CTSD: variants seen among roughly 807,000 people sequenced by gnomAD.
The protein encoded by CTSD is cathepsin D.
Under a neutral mutation model 43.6 loss-of-function variants are expected in CTSD, and 28 were observed. That is an observed-to-expected ratio of 0.64 (90% CI 0.48 to 0.88). CTSD has a LOEUF of 0.88. Among genes scored for constraint, CTSD ranks in the 40% least tolerant of loss-of-function variants. The pLI, the probability that CTSD is intolerant of heterozygous loss-of-function variation, is 0.00. For missense variants in CTSD, 485 were observed against 555.2 expected (o/e 0.87, Z 1.27); for synonymous variants, 270 against 249.8 (o/e 1.08, Z -0.76).
chr11:1,753,444 GGGCCTCCTGCTCT>G lies in CTSD; in HGVS notation c.*46_*58del, dbSNP rs1845752294. The stretch of plus-strand genomic sequence containing the variant: ...TGTGTGGGAGGGGCCGCTGGGCCAG[GGGCCTCCTGCTCT>G]GGGACTCTCCTCTGTTTCTGTGCTG... On this transcript the variant is annotated 3_prime_UTR_variant, in exon 9 of 9. Transcript: ENST00000236671. 5.6e-6 allele frequency: 9 copies of G among 1,599,888 alleles called. No homozygotes were observed. Among genetic ancestry groups the G allele is most frequent in the Non-Finnish European group, 7.7e-6 (9 of 1,168,548 alleles).
intron 2 of CTSD, chr11:1,761,093 C>T (rs751285027): frequency 7.0e-5 from 42 of 601,428 alleles, no homozygotes; most frequent in Admixed American, 2.0e-4. Context: ...CCCTCCCAGG[C>T]CCTAGCAGGA....
rs796052399 is a variant in CTSD, at chr11:1,753,531, A to C, written c.1211T>G (p.Val404Gly). The C allele has an allele frequency of 6.2e-7, 1 of 1,612,942 alleles. No homozygotes were observed. The highest frequency in any genetic ancestry group is 8.5e-7 in the Non-Finnish European group (1 of 1,179,906). Residue 404 changes from valine to glycine, a missense_variant, in exon 9 of 9, where the codon GTG becomes GGG. Coordinates refer to ENST00000236671, the MANE Select transcript of CTSD (RefSeq NM_001909.5). ...GAGGCGGGCAGCCTCGGCGAAGCCC[A>C]CCCTGTTGTTGTCACGGTCAAACAC... ...YTVFDRDNNR[V>G]GFAEAARL
At chr11:1,763,313 A>C (rs970816030) in intron 1 of CTSD, among the ~76,000 whole-genome samples, 1 of 152,170 alleles carries the variant, frequency 6.6e-6, no homozygotes, top group Non-Finnish European at 1.5e-5. Flanking sequence ...AGGGCCTGTG[A>C]TAAGAGCCGC....
chr11:1,756,687 C>T (rs941076289), intron 5 of CTSD, among the ~76,000 whole-genome samples: 24 of 152,132 alleles, frequency 1.6e-4, no homozygotes, highest in Admixed American at 3.3e-4. Context: ...TAACTGAGTC[C>T]GACGTCCCCT....
intron 2 of CTSD, chr11:1,761,073 C>T (rs1227135131): frequency 1.8e-6 from 1 of 562,310 alleles, no homozygotes; most frequent in East Asian, 3.1e-5. Flanking sequence ...CCCGAGGCCA[C>T]TCCCAATCAC....
intron 5 of CTSD, among the ~76,000 whole-genome samples, chr11:1,757,028 C>T (rs1248736608): frequency 6.6e-6 from 1 of 152,240 alleles, no homozygotes; most frequent in Non-Finnish European, 1.5e-5. Context: ...CGACCCCTGA[C>T]CTGGGTCCAT....
intron 5 of CTSD, among the ~76,000 whole-genome samples, chr11:1,756,464 G>A (rs1280566794): frequency 6.6e-6 from 1 of 152,222 alleles, no homozygotes; most frequent in African/African-American, 2.4e-5. Context: ...CCAAGGTTAG[G>A]GGTCAGGCCC....
rs1845762213 is a variant in CTSD, at chr11:1,753,977, C to T, written c.972+17G>A. 2 of 1,606,056 alleles carry T rather than the reference C, an allele frequency of 1.2e-6. No individual in the cohort carries two copies. The highest frequency in any genetic ancestry group is 1.7e-6 in the Non-Finnish European group (2 of 1,177,172). ...CCCCTGCCAGCCCCAGCCCCAGCCC[C>T]AGCCCCCGGCGCTCACCTCGCCCTG... On this transcript the variant is annotated intron_variant, in intron 7 of 8. Transcript: ENST00000236671.
Position 1,753,163 on chromosome 11 carries a change from G to T in CTSD, c.*340C>A. The stretch of plus-strand genomic sequence containing the variant: ...GCCCAGCGGGCGCTGGTAGGGCCGG[G>T]GAGGGGACTCCCTGGAGATGAAGGG... On this transcript the variant is annotated 3_prime_UTR_variant, in exon 9 of 9. Coordinates refer to ENST00000236671, the MANE Select transcript of CTSD (RefSeq NM_001909.5). 1.0e-5 allele frequency: 4 copies of T among 386,236 alleles called. No individual in the cohort carries two copies. The highest frequency in any genetic ancestry group is 2.0e-5 in the Non-Finnish European group (4 of 201,810). The allele number at this position is 386,236 out of a possible 1,614,324, so 23.9% of individuals were successfully genotyped here.
At chr11:1,754,344 G>C (rs1845769207) in intron 6 of CTSD, 1 of 623,794 alleles carries the variant, frequency 1.6e-6, no homozygotes, top group Non-Finnish European at 2.8e-6. Flanking sequence ...CCCTCAGGTG[G>C]TGGTGAGGGG....
rs372553554 is a variant in CTSD at position 1,758,937 on chromosome 11, C to G, written c.471+32G>C. ...GGTGAACCCCACACCCTGGCACCCT[C>G]GAGTCCTGGGAAAGGCCCCAGAGGG... is the stretch of plus-strand genomic sequence containing the variant. On this transcript the variant is annotated intron_variant, in intron 4 of 8. Coordinates refer to ENST00000236671, the MANE Select transcript of CTSD (RefSeq NM_001909.5). 329 of 1,477,196 alleles carry G rather than the reference C, an allele frequency of 2.2e-4. 2 individuals are homozygous for G. The African/African-American group carries it at 3.9e-3, about 17-fold the overall frequency. 91.5% of individuals were successfully genotyped at this position (1,477,196 alleles called of 1,614,324 possible). A position where few individuals can be genotyped will look rare whatever the true frequency, so the allele number is the denominator to read the frequency against.
chr11:1,755,224 C>G, intron 5 of CTSD, 196 bp from the exon 6 acceptor site: 1 of 680,254 alleles, frequency 1.5e-6, no homozygotes, highest in Admixed American at 2.1e-5. Context: ...GGCTGCTCTG[C>G]GTGGGCCCAG....
intron 5 of CTSD, among the ~76,000 whole-genome samples, chr11:1,756,861 C>T (rs12786025): frequency 2.1e-3 from 317 of 152,282 alleles, no homozygotes; most frequent in Non-Finnish European, 3.5e-3. Flanking sequence ...AGCGTGGTGC[C>T]GGGGACCCAT....
At chr11:1,755,092 G>C in intron 5 of CTSD, 64 bp from the exon 6 acceptor site, 1 of 1,601,154 alleles carries the variant, frequency 6.2e-7, no homozygotes, top group Non-Finnish European at 8.5e-7. Context: ...GCCAGGTCAG[G>C]AGTAAGAGGG....
intron 5 of CTSD, 43 bp from the exon 6 acceptor site, chr11:1,755,071 A>G: frequency 6.2e-7 from 1 of 1,612,494 alleles, no homozygotes; most frequent in Non-Finnish European, 8.5e-7. Context: ...CCACCCCCCA[A>G]GCACAAGAGT....
rs542245969 is a variant in CTSD at position 1,755,206 on chromosome 11, C to T, written c.705-178G>A. 207 of 741,566 alleles carry T rather than the reference C, an allele frequency of 2.8e-4. 2 individuals carry two copies. The Middle Eastern group carries it at 3.3e-3, about 12-fold the overall frequency. 45.9% of individuals were successfully genotyped at this position (741,566 alleles called of 1,614,324 possible). A position where few individuals can be genotyped will look rare whatever the true frequency, so the allele number is the denominator to read the frequency against. On this transcript the variant is annotated intron_variant, in intron 5 of 8. Transcript: ENST00000236671. ...GAGGAGGGACAGACTCCCTTCTTCC[C>T]GGGGTAGGGCTGCTCTGCGTGGGCC...
Position 1,757,613 on chromosome 11 carries a change from C to G in CTSD, c.472-57G>C, listed in dbSNP as rs1845825814. 16 of 1,406,614 alleles carry G rather than the reference C, an allele frequency of 1.1e-5. No homozygotes were observed. The East Asian group carries it at 3.9e-4, about 34-fold the overall frequency. 87.1% of individuals were successfully genotyped at this position (1,406,614 alleles called of 1,614,324 possible). On this transcript the variant is annotated intron_variant, in intron 4 of 8. Coordinates refer to ENST00000236671, the MANE Select transcript of CTSD (RefSeq NM_001909.5). ...GACAGGCTGAGCCCTACACCACTCC[C>G]TGAGCATGAGGCTACAAAACCCAGT...
rs1845875330 is a variant in CTSD, at chr11:1,761,414, G to A, written c.123C>T (p.Gly41=). The change falls in exon 2 of 9, where the codon GGC becomes GGT. Residue 41 remains glycine (G), a synonymous_variant. Transcript: ENST00000236671. Reference sequence around the variant, plus strand: ...CTTTGGCAATCAGGTCCTCCACAGAGCCCCCAACCTCCGACATGGTCCGGC... The same window carrying A: ...CTTTGGCAATCAGGTCCTCCACAGAACCCCCAACCTCCGACATGGTCCGGC... ...SIRRTMSEVG[G]SVEDLIAKGP... The A allele has an allele frequency of 6.2e-7, 1 of 1,613,836 alleles. No homozygotes were observed. The highest frequency in any genetic ancestry group is 8.5e-7 in the Non-Finnish European group (1 of 1,179,994).
At chr11:1,755,711 C>T (rs574845130) in intron 5 of CTSD, among the ~76,000 whole-genome samples, 12 of 152,282 alleles carry the variant, frequency 7.9e-5, no homozygotes, top group Admixed American at 7.2e-4. Context: ...GGCGGTTCTG[C>T]CATCCCGCCA....
Sources: gnomAD v4.1 joint callset for allele counts (sites outside exome capture counted in the v4.1 genomes callset) on GRCh38, gnomAD v4.1.1 for gene constraint, MANE v1.5 for transcripts, NCBI Gene and HGNC (gene_info 2026-07-23, HGNC 2026-07-21) for gene names.